Variants in LMX1B observed in about 807,000 individuals in gnomAD.
The protein encoded by LMX1B is LIM homeobox transcription factor 1 beta.
Under a neutral mutation model 51.4 loss-of-function variants are expected in LMX1B, and 12 were observed. The observed-to-expected ratio is 0.23, with a 90% CI of 0.15 to 0.38. The LOEUF (loss-of-function observed/expected upper bound fraction) is 0.38. Ranked by LOEUF, LMX1B falls within the 10% of genes least tolerant of loss-of-function variation. The pLI is 1.00. For synonymous variants in LMX1B, 237 were observed against 235.4 expected (o/e 1.01, Z -0.06); for missense variants, 445 against 571.1 (o/e 0.78, Z 2.25).
At chr9:126,651,490 G>A (rs960262774) in intron 2 of LMX1B, among the ~76,000 whole-genome samples, 2 of 152,122 alleles carry the variant, frequency 1.3e-5, no homozygotes, top group African/African-American at 4.8e-5. Flanking sequence ...GGGTCTTTGT[G>A]AAGGATAAAC....
At position 126,677,597 on chromosome 9, in the gene LMX1B, C is replaced by T. The variant is rs1053049292; in HGVS notation, c.327-13239C>T. Reference sequence around the variant, plus strand: ...GGCCCCAGCTCTGCATTTCACCAGCCGGGTGACCTGTGTAAGGAAGAGACT... The same window carrying T: ...GGCCCCAGCTCTGCATTTCACCAGCTGGGTGACCTGTGTAAGGAAGAGACT... On this transcript the variant is annotated intron_variant, in intron 2 of 7. Coordinates refer to ENST00000373474, the MANE Select transcript of LMX1B (RefSeq NM_001174147.2). The surrounding 1 kb of genome is among the most constrained non-coding windows in gnomAD (Gnocchi z 5.0). 1.3e-4 allele frequency among the ~76,000 whole-genome samples: 20 copies of T among 152,268 alleles called. No homozygotes were observed. Among genetic ancestry groups the T allele is most frequent in the African/African-American group, 4.3e-4 (18 of 41,566 alleles).
chr9:126,676,996 C>T (rs79320612), intron 2 of LMX1B, among the ~76,000 whole-genome samples: 12,383 of 152,282 alleles, frequency 0.081, 660 homozygotes, highest in Middle Eastern at 0.12. Flanking sequence ...TATGCTAATG[C>T]GGCCGGGCGG....
chr9:126,643,527 G>A (rs191013713), intron 2 of LMX1B, among the ~76,000 whole-genome samples: 51 of 152,288 alleles, frequency 3.3e-4, no homozygotes, highest in Admixed American at 5.2e-4. Context: ...ACAAGATTTA[G>A]TGATATCCTG....
Position 126,658,721 on chromosome 9 carries a change from C to A in LMX1B, c.327-32115C>A, listed in dbSNP as rs1391144068. On this transcript the variant is annotated intron_variant, in intron 2 of 7. Coordinates refer to ENST00000373474, the MANE Select transcript of LMX1B (RefSeq NM_001174147.2). The surrounding 1 kb of genome is among the most constrained non-coding windows in gnomAD (Gnocchi z 4.0). ...ACATTAGTTTGCAGTTATTTGTCAT[C>A]CACTTTGCTTAAGATAAATGCCGAA... 6.6e-6 allele frequency among the ~76,000 whole-genome samples: 1 copy of A among 152,224 alleles called. No homozygotes were observed. The highest frequency in any genetic ancestry group is 6.5e-5 in the Admixed American group (1 of 15,280).
chr9:126,662,963 T>G (rs542805611), intron 2 of LMX1B, among the ~76,000 whole-genome samples: 1 of 152,270 alleles, frequency 6.6e-6, no homozygotes, highest in Non-Finnish European at 1.5e-5. Context: ...AACACACTGC[T>G]GGCAAGGAGG....
At chr9:126,617,549 C>T (rs1835326878) in intron 2 of LMX1B, among the ~76,000 whole-genome samples, 2 of 151,618 alleles carry the variant, frequency 1.3e-5, no homozygotes, top group Non-Finnish European at 2.9e-5. Flanking sequence ...GGTAAAGTCA[C>T]GAAATTTCAG....
Position 126,695,762 on chromosome 9 carries a change from T to A in LMX1B, c.887-77T>A, listed in dbSNP as rs143965663. 846 of 1,554,746 alleles carry A rather than the reference T, an allele frequency of 5.4e-4. 4 individuals are homozygous for A. In the African/African-American group the frequency reaches 9.8e-3, roughly 18 times the overall value. On this transcript the variant is annotated intron_variant, in intron 6 of 7. Transcript: ENST00000373474. The surrounding 1 kb of genome is among the most constrained non-coding windows in gnomAD (Gnocchi z 5.2). The stretch of plus-strand genomic sequence containing the variant: ...GGGTGCCTGGGGAGTCCCAAGGAGA[T>A]CAGAAGGGGAGGCTGCTGGGGTGTA...
intron 2 of LMX1B, among the ~76,000 whole-genome samples, chr9:126,656,383 T>TTAGA (rs3052900): frequency 0.15 from 21,306 of 143,782 alleles, 1,586 homozygotes; most frequent in Middle Eastern, 0.17. Context: ...GATCTGGTCT[T>TTAGA]TAGATAGATA....
intron 4 of LMX1B, 60 bp downstream of exon 4, chr9:126,693,383 G>C: frequency 6.4e-7 from 1 of 1,563,512 alleles, no homozygotes. Context: ...TGCCTTTCTG[G>C]AGACCACCCC....
At chr9:126,616,858 C>T (rs1190064164) in intron 2 of LMX1B, among the ~76,000 whole-genome samples, 1 of 152,186 alleles carries the variant, frequency 6.6e-6, no homozygotes, top group Non-Finnish European at 1.5e-5. Context: ...TCTGGCTGTG[C>T]CTGGTGGTCT....
chr9:126,692,562 C>T (rs770273800), intron 3 of LMX1B, among the ~76,000 whole-genome samples: 4 of 152,348 alleles, frequency 2.6e-5, no homozygotes, highest in South Asian at 4.1e-4. Context: ...TGTGTGAATA[C>T]GCCTGTGAGT....
chr9:126,643,544 C>G (rs962452857), intron 2 of LMX1B, among the ~76,000 whole-genome samples: 4 of 152,058 alleles, frequency 2.6e-5, no homozygotes, highest in Non-Finnish European at 5.9e-5. Flanking sequence ...CCTGTTTGTC[C>G]CTGACACAGC....
chr9:126,691,949 G>A (rs944553624), intron 3 of LMX1B, among the ~76,000 whole-genome samples: 2 of 152,260 alleles, frequency 1.3e-5, no homozygotes, highest in Non-Finnish European at 2.9e-5. Flanking sequence ...CCAGCCAGGA[G>A]TGAGCCTTAA....
chr9:126,629,411 G>A (rs1835595702), intron 2 of LMX1B, among the ~76,000 whole-genome samples: 1 of 152,166 alleles, frequency 6.6e-6, no homozygotes, highest in South Asian at 2.1e-4. Flanking sequence ...CTACGACATG[G>A]CTTCCATTAT....
intron 2 of LMX1B, among the ~76,000 whole-genome samples, chr9:126,665,333 C>T (rs1836322306): frequency 6.6e-6 from 1 of 152,226 alleles, no homozygotes; most frequent in African/African-American, 2.4e-5. Flanking sequence ...GGCGGGGCTG[C>T]CAGCTGTGCA....
rs71377950 is a variant in LMX1B at position 126,621,655 on chromosome 9, C to CTTTT, written c.326+6109_326+6112dup. Among the ~76,000 whole-genome samples the CTTTT allele has an allele frequency of 8.6e-5, 10 of 116,870 alleles. 1 individual carries two copies. Among genetic ancestry groups the CTTTT allele is most frequent in the African/African-American group, 3.2e-4 (8 of 25,058 alleles). 76.7% of individuals were successfully genotyped at this position (116,870 alleles called of 152,430 possible). A position where few individuals can be genotyped will look rare whatever the true frequency, so the allele number is the denominator to read the frequency against. On this transcript the variant is annotated intron_variant, in intron 2 of 7. Transcript: ENST00000373474. Reference sequence around the variant, plus strand: ...TAGGGTTTTTCTCTCTCTCTCTCTTCTTTTTTTTTTTTTTTTTTTTTTTTT... The same window carrying CTTTT: ...TAGGGTTTTTCTCTCTCTCTCTCTTCTTTTTTTTTTTTTTTTTTTTTTTTTTTTT...
At chr9:126,693,399 C>G in intron 4 of LMX1B, 76 bp downstream of exon 4, 1 of 1,516,700 alleles carries the variant, frequency 6.6e-7, no homozygotes, top group Non-Finnish European at 9.1e-7. Flanking sequence ...ACCCCCTGCT[C>G]CTGCTGGGGG....
chr9:126,689,198 G>T (rs760881656), intron 2 of LMX1B, among the ~76,000 whole-genome samples: 1 of 152,214 alleles, frequency 6.6e-6, no homozygotes, highest in Non-Finnish European at 1.5e-5. Context: ...GGCAGGGGTT[G>T]CTGGGGGTGC....
Position 126,697,709 on chromosome 9 carries a change from G to T in LMX1B, c.*1258G>T, listed in dbSNP as rs545361090. On this transcript the variant is annotated 3_prime_UTR_variant, in exon 8 of 8. Coordinates refer to ENST00000373474, the MANE Select transcript of LMX1B (RefSeq NM_001174147.2). The stretch of plus-strand genomic sequence containing the variant: ...CTTCCTCTGTTAATTTGGCCCAAAA[G>T]ACAATGATTTGGCCACATGACCTTA... 1 of 152,456 alleles carries T rather than the reference G, an allele frequency of 6.6e-6. No individual in the cohort carries two copies. The highest frequency in any genetic ancestry group is 1.9e-4 in the East Asian group (1 of 5,198). The allele number at this position is 152,456 out of a possible 1,614,324, so 9.4% of individuals were successfully genotyped here.
Sources: gnomAD v4.1 joint callset for allele counts (sites outside exome capture counted in the v4.1 genomes callset) on GRCh38, gnomAD v4.1.1 for gene constraint, Gnocchi (gnomAD v3.1) non-coding constraint, MANE v1.5 for transcripts, NCBI Gene and HGNC (gene_info 2026-07-23, HGNC 2026-07-21) for gene names.